The following ESPL1 variants were observed in gnomAD, a reference collection of about 807,000 sequenced individuals.
ESPL1 encodes the protein separin.
ESPL1 carries 50 observed loss-of-function variants against 217.2 expected under a neutral mutation model. The observed-to-expected ratio is 0.23, with a 90% CI of 0.18 to 0.29. The LOEUF (loss-of-function observed/expected upper bound fraction) is 0.29. ESPL1 is among the 10% of genes least tolerant of loss of function. ESPL1 has a pLI of 1.00. For synonymous variants in ESPL1, 994 were observed against 1,081.3 expected (o/e 0.92, Z 1.58); for missense variants, 1,834 against 2,603.0 (o/e 0.70, Z 6.43).
intron 22 of ESPL1, 178 bp downstream of exon 22, chr12:53,289,772 A>G: frequency 1.6e-6 from 1 of 629,070 alleles, no homozygotes; most frequent in East Asian, 2.8e-5. Context: ...TTAAACCTCA[A>G]CTTTGAATTA....
At chr12:53,274,419 G>A (rs947705802) in intron 6 of ESPL1, 7 of 175,532 alleles carry the variant, frequency 4.0e-5, no homozygotes, top group Non-Finnish European at 6.1e-5. Context: ...GCAGCTGCAC[G>A]AGGGATGGAA....
At position 53,277,439 on chromosome 12, in the gene ESPL1, C is replaced by G. The variant is rs759785522; in HGVS notation, c.2086-31C>G. On this transcript the variant is annotated intron_variant, in intron 9 of 30. Coordinates refer to ENST00000257934, the MANE Select transcript of ESPL1 (RefSeq NM_012291.5). ...AGGACGATAGGCCCACACCACTGTG[C>G]CCTGTTTTATACCCCGATCTTCCCA... 1.1e-5 allele frequency: 17 copies of G among 1,607,766 alleles called. No homozygotes were observed. The African/African-American group carries it at 1.9e-4, about 18-fold the overall frequency.
Position 53,270,765 on chromosome 12 carries a change from G to A in ESPL1, c.1336G>A (p.Gly446Ser). 1.9e-6 allele frequency: 3 copies of A among 1,614,172 alleles called. No individual in the cohort carries two copies. The South Asian group carries it at 3.3e-5, about 18-fold the overall frequency. ...WMLEALEGLS[G>S]QELTDHMGMT... Reference sequence around the variant, plus strand: ...GCTGGAGGCCTTAGAGGGCCTGTCGGGCCAAGAGCTGACGGACCACATGGG... The same window carrying A: ...GCTGGAGGCCTTAGAGGGCCTGTCGAGCCAAGAGCTGACGGACCACATGGG... Residue 446 changes from glycine to serine, a missense_variant, in exon 5 of 31, where the codon GGC becomes AGC. Gly to Ser is a moderately conservative substitution (Grantham distance 56, BLOSUM62 0). This residue lies in a region of ESPL1 where 746 missense variants were observed against 1,077.0 expected (regional missense o/e 0.69). Transcript: ENST00000257934.
rs368582001 is a variant in ESPL1 at position 53,270,464 on chromosome 12, C to G, written c.1230C>G (p.Asp410Glu). The change falls in exon 4 of 31, where the codon GAC (aspartate) becomes GAG (glutamate). Residue 410 changes from aspartate (D) to glutamate (E), a missense_variant. Physicochemically the swap from Asp to Glu is conservative, Grantham distance 45 (BLOSUM62 2). Transcript: ENST00000257934. ...GLHLYTVVVY[D>E]FAQGCQIVDL... ...ACCTCTACACTGTGGTGGTTTATGA[C>G]TTTGCCCAAGGCTGTCAGGTACTGT... The G allele has an allele frequency of 6.2e-7, 1 of 1,613,240 alleles. No individual in the cohort carries two copies. The highest frequency in any genetic ancestry group is 8.5e-7 in the Non-Finnish European group (1 of 1,179,200).
intron 7 of ESPL1, 114 bp from the exon 8 acceptor site, chr12:53,276,506 A>G (rs1943767416): frequency 8.2e-7 from 1 of 1,216,814 alleles, no homozygotes; most frequent in Non-Finnish European, 1.1e-6. Context: ...TTTTAAAGCC[A>G]TGACTGGAAA....
chr12:53,270,342 C>G, intron 3 of ESPL1, 36 bp from the exon 4 acceptor site: 1 of 1,445,516 alleles, frequency 6.9e-7, no homozygotes, highest in Non-Finnish European at 9.7e-7. Flanking sequence ...CTCTTTATCT[C>G]TACTCCTCAT....
rs1944069351 is a variant in ESPL1 at position 53,292,037 on chromosome 12, C to G, written c.5745C>G (p.Val1915=). 1 of 1,614,046 alleles carries G rather than the reference C, an allele frequency of 6.2e-7. No homozygotes were observed. Among genetic ancestry groups the G allele is most frequent in the South Asian group, 1.1e-5 (1 of 91,082 alleles). The change falls in exon 27 of 31, where the codon GTC becomes GTG. Residue 1915 remains valine, a synonymous_variant. Coordinates refer to ENST00000257934, the MANE Select transcript of ESPL1 (RefSeq NM_012291.5). This position sits in a 1 kb window ranked among gnomAD's most constrained non-coding sequence, Gnocchi z 4.5. ...TGCCCAGCCTCCAAGCACTGCCTGT[C>G]ACCCGGCTGCCCTCCTTCCGCTTCC... is the stretch of plus-strand genomic sequence containing the variant. ...ESMPSLQALP[V]TRLPSFRFLL... is the part of the protein sequence containing the mutation.
rs147544896 is a variant in ESPL1, at chr12:53,276,711, G to A, written c.1792G>A (p.Asp598Asn). ...GCAGGCCTACAAGGCGGTGCGGGCC[G>A]ACACTGGACAGGAACGCTTCAACAT... ...ELQAYKAVRA[D>N]TGQERFNIIC... The change falls in exon 8 of 31, where the codon GAC becomes AAC. Residue 598 changes from aspartate to asparagine, a missense_variant. By Grantham distance (23) the Asp-to-Asn change is conservative (BLOSUM62 1). This residue lies in a region of ESPL1 where 746 missense variants were observed against 1,077.0 expected (regional missense o/e 0.69). Transcript: ENST00000257934. The A allele has an allele frequency of 4.1e-5, 66 of 1,613,178 alleles. No homozygotes were observed. In the African/African-American group the frequency reaches 8.0e-4, roughly 20 times the overall value.
At chr12:53,274,257 GA>G (rs1337466000) in intron 6 of ESPL1, 1 of 154,186 alleles carries the variant, frequency 6.5e-6, no homozygotes, top group African/African-American at 2.4e-5. Context: ...TAACTGAGAT[GA>G]TAAGCCTCTA....
At position 53,293,031 on chromosome 12, in the gene ESPL1, T is replaced by G; in HGVS notation, c.6161+61T>G. The G allele has an allele frequency of 6.6e-7, 1 of 1,510,528 alleles. No individual in the cohort carries two copies. The highest frequency in any genetic ancestry group is 9.0e-7 in the Non-Finnish European group (1 of 1,108,656). 93.6% of individuals were successfully genotyped at this position (1,510,528 alleles called of 1,614,324 possible). ...TAGGACTCCTGCCCTCACCCCAGGT[T>G]CTTTCCCAGGTCTGAATCTTGCCTC... On this transcript the variant is annotated intron_variant, in intron 30 of 30. Transcript: ENST00000257934. This position sits in a 1 kb window ranked among gnomAD's most constrained non-coding sequence, Gnocchi z 4.2.
chr12:53,273,380 T>A (rs903987325), intron 6 of ESPL1, among the ~76,000 whole-genome samples: 2 of 152,068 alleles, frequency 1.3e-5, no homozygotes, highest in African/African-American at 4.8e-5. Flanking sequence ...CCTAAGCTAC[T>A]GGTTTCCAGC....
intron 22 of ESPL1, 44 bp downstream of exon 22, chr12:53,289,638 A>G (rs766457943): frequency 3.3e-6 from 5 of 1,536,372 alleles, no homozygotes; most frequent in Admixed American, 1.9e-5. Context: ...CCTCTTCTGC[A>G]TCTTCTTACT....
intron 17 of ESPL1, 67 bp downstream of exon 17, chr12:53,284,234 A>T (rs1023993084): frequency 2.0e-6 from 2 of 988,678 alleles, no homozygotes; most frequent in African/African-American, 3.2e-5. Context: ...ACATCTTTCT[A>T]TGTAAAGGTT....
In ESPL1 at chr12:53,292,574, T is replaced by C. The variant is rs780953530; in HGVS notation, c.5913T>C (p.Ser1971=). 2 of 1,611,576 alleles carry C rather than the reference T, an allele frequency of 1.2e-6. No individual in the cohort carries two copies. Among genetic ancestry groups the C allele is most frequent in the Non-Finnish European group, 1.7e-6 (2 of 1,179,684 alleles). ...TCTCACACCTGCCTTTTCCCTGCAG[T>C]GAAGCTGGCTGGAGAGGAGTGGTTG... ...TEEQFRANFS[S]EAGWRGVVGE... Residue 1971 remains serine (S), a splice_region_variant and synonymous_variant, in exon 29 of 31, where the codon AGT becomes AGC. Transcript: ENST00000257934. The surrounding 1 kb of genome is among the most constrained non-coding windows in gnomAD (Gnocchi z 4.5).
Position 53,268,815 on chromosome 12 carries a change from A to G in ESPL1, c.49A>G (p.Lys17Glu). 1 of 1,612,780 alleles carries G rather than the reference A, an allele frequency of 6.2e-7. No individual in the cohort carries two copies. Among genetic ancestry groups the G allele is most frequent in the East Asian group, 2.2e-5 (1 of 44,870 alleles). Residue 17 changes from lysine (K) to glutamate (E), a missense_variant, in exon 2 of 31, where the codon AAG (lysine) becomes GAG (glutamate). This residue lies in a region of ESPL1 where 746 missense variants were observed against 1,077.0 expected (regional missense o/e 0.69). Coordinates refer to ENST00000257934, the MANE Select transcript of ESPL1 (RefSeq NM_012291.5). ...CTTTGGGACTCTGCTAAGCAGCCAG[A>G]AGGAGGCTGAAGAGTTGCTGCCCGC... ...VNFGTLLSSQ[K>E]EAEELLPALK...
At position 53,286,108 on chromosome 12, in the gene ESPL1, C is replaced by G. The variant is rs1157311054; in HGVS notation, c.3372C>G (p.Asn1124Lys). 3 of 1,613,590 alleles carry G rather than the reference C, an allele frequency of 1.9e-6. No individual in the cohort carries two copies. Among genetic ancestry groups the G allele is most frequent in the Non-Finnish European group, 2.5e-6 (3 of 1,179,518 alleles). ...KEPGPIAPST[N>K]SSPVLKTKPQ... ...CTGGCCCCATAGCACCTTCTACAAACTCCTCCCCAGTCTTGAAAACCAAGC... is the reference window on the plus strand; with the variant it reads ...CTGGCCCCATAGCACCTTCTACAAAGTCCTCCCCAGTCTTGAAAACCAAGC... Residue 1124 changes from asparagine (N) to lysine (K), a missense_variant, in exon 18 of 31, where the codon AAC becomes AAG. By Grantham distance (94) the Asn-to-Lys change is moderately conservative (BLOSUM62 0). This residue lies in a region of ESPL1 where 681 missense variants were observed against 808.0 expected (regional missense o/e 0.84). Transcript: ENST00000257934. The surrounding 1 kb of genome is among the most constrained non-coding windows in gnomAD (Gnocchi z 5.3).
chr12:53,271,861 G>A (rs374167245), intron 5 of ESPL1, among the ~76,000 whole-genome samples: 13 of 152,244 alleles, frequency 8.5e-5, no homozygotes, highest in East Asian at 3.9e-4. Flanking sequence ...AGGCCGAGGC[G>A]GGCGGATAAC....
chr12:53,293,333 A>G lies in ESPL1; in HGVS notation c.6222A>G (p.Glu2074=). Residue 2074 remains glutamate, a synonymous_variant, in exon 31 of 31, where the codon GAA becomes GAG. Coordinates refer to ENST00000257934, the MANE Select transcript of ESPL1 (RefSeq NM_012291.5). This position sits in a 1 kb window ranked among gnomAD's most constrained non-coding sequence, Gnocchi z 4.2. ...VTDRDIDRYT[E]ALLQGWLGAG... ...ACCGCGACATTGACCGCTACACGGA[A>G]GCTCTGCTGCAAGGCTGGCTTGGAG... The G allele has an allele frequency of 6.2e-7, 1 of 1,614,200 alleles. No individual in the cohort carries two copies. Among genetic ancestry groups the G allele is most frequent in the Non-Finnish European group, 8.5e-7 (1 of 1,180,032 alleles).
chr12:53,290,864 G>A lies in ESPL1; in HGVS notation c.5388G>A (p.Lys1796=), dbSNP rs1418473987. 1 of 1,610,114 alleles carries A rather than the reference G, an allele frequency of 6.2e-7. No homozygotes were observed. The highest frequency in any genetic ancestry group is 8.5e-7 in the Non-Finnish European group (1 of 1,178,424). Residue 1796 remains lysine (K), a synonymous_variant, in exon 25 of 31, where the codon AAG becomes AAA. Coordinates refer to ENST00000257934, the MANE Select transcript of ESPL1 (RefSeq NM_012291.5). ...RMEVLIASLE[K]SVLGCWKGLL... ...AGGTTCTCATCGCTTCCCTAGAGAA[G>A]TCTGTGCTGGGCTGCTGGAAGGGGC...
Sources: gnomAD v4.1 joint callset for allele counts (sites outside exome capture counted in the v4.1 genomes callset) on GRCh38, gnomAD v4.1.1 for gene constraint, gnomAD v4.1.1 regional missense constraint, Gnocchi (gnomAD v3.1) non-coding constraint, MANE v1.5 for transcripts, NCBI Gene and HGNC (gene_info 2026-07-23, HGNC 2026-07-21) for gene names.